PALLD: variants seen among roughly 807,000 people sequenced by gnomAD.
The protein encoded by PALLD is palladin.
Under a neutral mutation model 123.5 loss-of-function variants are expected in PALLD, and 61 were observed. The ratio of observed to expected loss-of-function variants is 0.49; its 90% CI spans 0.40 to 0.61. The LOEUF is 0.61. PALLD is among the 20% of genes least tolerant of loss of function. The pLI, the probability that PALLD is intolerant of heterozygous loss-of-function variation, is 0.00. For missense variants in PALLD, 1,273 were observed against 1,377.0 expected (o/e 0.92, Z 1.20); for synonymous variants, 465 against 496.4 (o/e 0.94, Z 0.84).
intron 2 of PALLD, among the ~76,000 whole-genome samples, chr4:168,564,617 G>A: frequency 6.6e-6 from 1 of 152,138 alleles, no homozygotes; most frequent in East Asian, 1.9e-4. Flanking sequence ...ACTAATGACA[G>A]AAATCCATGG....
intron 10 of PALLD, among the ~76,000 whole-genome samples, chr4:168,881,733 T>C (rs922972692): frequency 2.0e-5 from 3 of 152,074 alleles, no homozygotes; most frequent in African/African-American, 7.2e-5. Context: ...GTTTGCACTT[T>C]TATAAAATTA....
At chr4:168,578,373 C>A (rs1207115248) in intron 2 of PALLD, among the ~76,000 whole-genome samples, 1 of 151,982 alleles carries the variant, frequency 6.6e-6, no homozygotes, top group Non-Finnish European at 1.5e-5. Context: ...GGTGGTTAAC[C>A]TCATGCTGTC....
chr4:168,656,827 C>T (rs886652995), intron 2 of PALLD, among the ~76,000 whole-genome samples: 2 of 152,172 alleles, frequency 1.3e-5, no homozygotes, highest in Non-Finnish European at 2.9e-5. Flanking sequence ...CAACATTTCA[C>T]ATTAATTCCT....
chr4:168,785,841 GTAGAGA>G lies in PALLD; in HGVS notation c.1964+73921_1964+73926del, dbSNP rs1172068075. ...GGGACAGAGTCAGTTCTAATAAACTGTAGAGATATATATATATATATATATATATAT... is the reference window on the plus strand; with the variant it reads ...GGGACAGAGTCAGTTCTAATAAACTGTATATATATATATATATATATATAT... On this transcript the variant is annotated intron_variant, in intron 10 of 21. Transcript: ENST00000505667. 9.1e-3 allele frequency among the ~76,000 whole-genome samples: 472 copies of G among 51,620 alleles called. 13 individuals carry two copies. Among genetic ancestry groups the G allele is most frequent in the African/African-American group, 0.027 (453 of 16,738 alleles). The allele number at this position is 51,620 out of a possible 152,430, so 33.9% of individuals were successfully genotyped here.
intron 10 of PALLD, among the ~76,000 whole-genome samples, chr4:168,729,937 G>A (rs776106097): frequency 6.6e-6 from 1 of 152,094 alleles, no homozygotes; most frequent in Non-Finnish European, 1.5e-5. Flanking sequence ...GTGCCAATCT[G>A]GTTTCTAATC....
intron 2 of PALLD, among the ~76,000 whole-genome samples, chr4:168,640,231 C>T (rs1429862124): frequency 6.6e-6 from 1 of 152,292 alleles, no homozygotes; most frequent in South Asian, 2.1e-4. Flanking sequence ...ATGATTGTTT[C>T]CTCCATGTAG....
chr4:168,612,516 G>A, intron 2 of PALLD, among the ~76,000 whole-genome samples: 1 of 152,156 alleles, frequency 6.6e-6, no homozygotes, highest in East Asian at 1.9e-4. Context: ...AATGGTGAAA[G>A]TTTTCCTTGG....
chr4:168,780,617 G>A (rs1007942414), intron 10 of PALLD, among the ~76,000 whole-genome samples: 1 of 152,204 alleles, frequency 6.6e-6, no homozygotes, highest in African/African-American at 2.4e-5. Context: ...GGCAGACACT[G>A]TTGCAGTGTA....
chr4:168,923,112 C>T (rs1388473675), intron 18 of PALLD, among the ~76,000 whole-genome samples: 1 of 152,196 alleles, frequency 6.6e-6, no homozygotes, highest in African/African-American at 2.4e-5. Flanking sequence ...GTTATTCTTA[C>T]TGATGAGTTG....
chr4:168,905,894 G>C (rs142194107), intron 15 of PALLD, among the ~76,000 whole-genome samples: 31 of 150,666 alleles, frequency 2.1e-4, no homozygotes, highest in African/African-American at 7.3e-4. Flanking sequence ...CCACCTCCTG[G>C]GTTCAAGCAA....
At chr4:168,921,830 A>G (rs1220510582) in intron 18 of PALLD, 89 bp downstream of exon 18, 4 of 998,640 alleles carry the variant, frequency 4.0e-6, no homozygotes, top group Non-Finnish European at 6.3e-6. Flanking sequence ...ACCAATACGG[A>G]AAATAAAGTA....
chr4:168,758,514 CAGGCGTGT>C (rs1473225053), intron 10 of PALLD, among the ~76,000 whole-genome samples: 3 of 152,272 alleles, frequency 2.0e-5, no homozygotes, highest in Non-Finnish European at 4.4e-5. Context: ...CCATGCATCT[CAGGCGTGT>C]AGGTTCTTCA....
intron 10 of PALLD, among the ~76,000 whole-genome samples, chr4:168,815,006 A>G (rs1483556544): frequency 6.6e-6 from 1 of 152,054 alleles, no homozygotes; most frequent in African/African-American, 2.4e-5. Flanking sequence ...CCTGACCTCA[A>G]ATGATCCACC....
intron 2 of PALLD, among the ~76,000 whole-genome samples, chr4:168,567,271 G>A (rs1768489025): frequency 6.6e-6 from 1 of 151,904 alleles, no homozygotes; most frequent in Non-Finnish European, 1.5e-5. Flanking sequence ...AGCAGACTAG[G>A]CATCTGACAA....
In PALLD at chr4:168,668,894, C is replaced by T. The variant is rs75621096; in HGVS notation, c.1087+526C>T. ...ATCAATGTTGTATTAAAGAGGGGTA[C>T]GCAGAGAATGGGCTATTTCTGTTGT... On this transcript the variant is annotated intron_variant, in intron 3 of 21. Transcript: ENST00000505667. Among the ~76,000 whole-genome samples the T allele has an allele frequency of 1.6e-3, 249 of 152,238 alleles. 3 individuals are homozygous for T. In the East Asian group the frequency reaches 0.017, roughly 11 times the overall value.
Position 168,924,994 on chromosome 4 carries a change from A to G in PALLD, c.3274A>G (p.Thr1092Ala). ...CATCTGCCTGCTCATTCAGGGAGCC[A>G]CAAAAGAAGATGCTGGGTGGTATAC... ...GYICLLIQGA[T>A]KEDAGWYTVS... Residue 1092 changes from threonine (T) to alanine (A), a missense_variant, in exon 20 of 22, where the codon ACA becomes GCA. By Grantham distance (58) the Thr-to-Ala change is moderately conservative. Around this residue, in one of 2 missense-constraint regions of PALLD, gnomAD observed 329 missense variants for 422.5 expected, o/e 0.78. Coordinates refer to ENST00000505667, the MANE Select transcript of PALLD (RefSeq NM_001166108.2). The G allele has an allele frequency of 6.2e-7, 1 of 1,614,154 alleles. No homozygotes were observed. Among genetic ancestry groups the G allele is most frequent in the African/African-American group, 1.3e-5 (1 of 75,058 alleles).
rs1173877068 is a variant in PALLD, at chr4:168,927,089, T to TAATA, written c.*910_*913dup. 2 of 222,172 alleles carry TAATA rather than the reference T, an allele frequency of 9.0e-6. No homozygotes were observed. The highest frequency in any genetic ancestry group is 4.5e-5 in the African/African-American group (2 of 44,680). 13.8% of individuals were successfully genotyped at this position (222,172 alleles called of 1,614,324 possible). On this transcript the variant is annotated 3_prime_UTR_variant, in exon 22 of 22. Coordinates refer to ENST00000505667, the MANE Select transcript of PALLD (RefSeq NM_001166108.2). ...ATTAAAAGGCTAATTTAAATATAAA[T>TAATA]AATATAAAGTGCTCTGAATAAAGCA...
chr4:168,599,733 C>A (rs1275225436), intron 2 of PALLD, among the ~76,000 whole-genome samples: 1 of 152,026 alleles, frequency 6.6e-6, no homozygotes, highest in Non-Finnish European at 1.5e-5. Context: ...CAGTGAATAG[C>A]CATTGCACTC....
At chr4:168,875,126 A>ATGGAAATACATACTAGT (rs1751572516) in intron 10 of PALLD, among the ~76,000 whole-genome samples, 1 of 152,112 alleles carries the variant, frequency 6.6e-6, no homozygotes, top group Non-Finnish European at 1.5e-5. Context: ...CCAAAATACT[A>ATGGAAATACATACTAGT]TGGAAATACA....
Sources: allele counts gnomAD v4.1 joint callset (sites outside exome capture counted in the v4.1 genomes callset), GRCh38; gene constraint gnomAD v4.1.1; regional missense constraint gnomAD v4.1.1; transcripts MANE v1.5; gene names NCBI Gene and HGNC (gene_info 2026-07-23, HGNC 2026-07-21).